The following ST6GALNAC3 variants were observed in gnomAD, a reference collection of about 807,000 sequenced individuals.
The protein encoded by ST6GALNAC3 is alpha-N-acetylgalactosaminide alpha-2,6-sialyltransferase 3.
A neutral mutation model predicts 32.7 loss-of-function variants in ST6GALNAC3; 25 were observed. That is an observed-to-expected ratio of 0.76 (90% CI 0.56 to 1.07). The LOEUF (loss-of-function observed/expected upper bound fraction) is 1.07, where lower values mean the gene tolerates loss of function less well. Among genes scored for constraint, ST6GALNAC3 ranks in the 50% least tolerant of loss-of-function variants. ST6GALNAC3 has a pLI of 0.00. For synonymous variants in ST6GALNAC3, 129 were observed against 133.1 expected (o/e 0.97, Z 0.21); for missense variants, 355 against 382.4 (o/e 0.93, Z 0.60).
intron 1 of ST6GALNAC3, among the ~76,000 whole-genome samples, chr1:76,240,401 T>C (rs1271437518): frequency 6.6e-6 from 1 of 152,220 alleles, no homozygotes; most frequent in African/African-American, 2.4e-5. Context: ...GAACACAAAC[T>C]GCTAACTGTC....
intron 3 of ST6GALNAC3, among the ~76,000 whole-genome samples, chr1:76,623,910 T>A (rs914212896): frequency 9.9e-5 from 15 of 151,928 alleles, no homozygotes; most frequent in African/African-American, 3.6e-4. Flanking sequence ...TAGGCATTTA[T>A]TTGGAAGAAT....
rs556355253 is a variant in ST6GALNAC3 at position 76,634,136 on chromosome 1, C to T, written c.*5330C>T. 4.0e-5 allele frequency: 39 copies of T among 984,550 alleles called. No individual in the cohort carries two copies. The South Asian group carries it at 1.7e-3, about 44-fold the overall frequency. The allele number at this position is 984,550 out of a possible 1,614,324, so 61.0% of individuals were successfully genotyped here. A position where few individuals can be genotyped will look rare whatever the true frequency, so the allele number is the denominator to read the frequency against. On this transcript the variant is annotated 3_prime_UTR_variant, in exon 5 of 5. Coordinates refer to ENST00000328299, the MANE Select transcript of ST6GALNAC3 (RefSeq NM_152996.4). ...CTCTTCTTTCTCCACAGATACATCTCTTTTTGTTCACGCCTTGAAGACTTC... is the reference window on the plus strand; with the variant it reads ...CTCTTCTTTCTCCACAGATACATCTTTTTTTGTTCACGCCTTGAAGACTTC...
intron 2 of ST6GALNAC3, among the ~76,000 whole-genome samples, chr1:76,378,609 T>C (rs12037958): frequency 0.29 from 42,990 of 150,716 alleles, 7,318 homozygotes; most frequent in East Asian, 0.6. Flanking sequence ...TTGCAGTGAG[T>C]GGAGATCACA....
chr1:76,384,929 A>G (rs60691804), intron 2 of ST6GALNAC3, among the ~76,000 whole-genome samples: 12,452 of 152,196 alleles, frequency 0.082, 1,310 homozygotes, highest in African/African-American at 0.25. Flanking sequence ...TGAAATAGTG[A>G]ATGAGCTAGT....
intron 3 of ST6GALNAC3, among the ~76,000 whole-genome samples, chr1:76,450,681 T>C (rs1482355658): frequency 6.6e-6 from 1 of 152,196 alleles, no homozygotes; most frequent in East Asian, 1.9e-4. Flanking sequence ...ATTTTTATGG[T>C]TTCAGGTCTT....
At chr1:76,252,762 G>A (rs1182036522) in intron 1 of ST6GALNAC3, among the ~76,000 whole-genome samples, 1 of 152,104 alleles carries the variant, frequency 6.6e-6, no homozygotes, top group African/African-American at 2.4e-5. Flanking sequence ...TCTCTTTTCT[G>A]TAATATTAAG....
At chr1:76,316,462 G>T (rs1224304418) in intron 2 of ST6GALNAC3, among the ~76,000 whole-genome samples, 1 of 152,054 alleles carries the variant, frequency 6.6e-6, no homozygotes, top group African/African-American at 2.4e-5. Context: ...TGAAGAAACT[G>T]CAAGTATATG....
chr1:76,210,245 C>T (rs1270899183), intron 1 of ST6GALNAC3, among the ~76,000 whole-genome samples: 1 of 152,170 alleles, frequency 6.6e-6, no homozygotes, highest in Non-Finnish European at 1.5e-5. Context: ...AAGTCAACAA[C>T]ATAGTGTCTT....
chr1:76,375,800 T>A (rs575712841), intron 2 of ST6GALNAC3, among the ~76,000 whole-genome samples: 5 of 152,376 alleles, frequency 3.3e-5, no homozygotes, highest in African/African-American at 9.6e-5. Flanking sequence ...ATTCATAAAA[T>A]GGAATACTAT....
chr1:76,457,156 G>A (rs1278167278), intron 3 of ST6GALNAC3, among the ~76,000 whole-genome samples: 4 of 151,992 alleles, frequency 2.6e-5, no homozygotes, highest in Admixed American at 2.0e-4. Flanking sequence ...GGGATGTGAA[G>A]GACCTCTTCA....
At chr1:76,538,393 A>G (rs1663760012) in intron 3 of ST6GALNAC3, among the ~76,000 whole-genome samples, 1 of 152,232 alleles carries the variant, frequency 6.6e-6, no homozygotes, top group East Asian at 1.9e-4. Flanking sequence ...GCTATTCATG[A>G]CAAACCCACA....
chr1:76,112,611 A>G (rs1242329825), intron 1 of ST6GALNAC3, among the ~76,000 whole-genome samples: 2 of 149,130 alleles, frequency 1.3e-5, no homozygotes, highest in African/African-American at 5.0e-5. Context: ...GGGGCTCCTC[A>G]CTTCTCAGAC....
At chr1:76,331,856 C>T (rs1647192580) in intron 2 of ST6GALNAC3, among the ~76,000 whole-genome samples, 1 of 152,160 alleles carries the variant, frequency 6.6e-6, no homozygotes, top group African/African-American at 2.4e-5. Context: ...ACCCTACTTG[C>T]CAGTGTATTG....
intron 3 of ST6GALNAC3, among the ~76,000 whole-genome samples, chr1:76,516,930 A>G (rs1662206991): frequency 6.6e-6 from 1 of 152,066 alleles, no homozygotes; most frequent in South Asian, 2.1e-4. Context: ...CTTTTTCCAC[A>G]TGGAAATTAA....
chr1:76,524,978 G>GAGAA (rs1214996741), intron 3 of ST6GALNAC3, among the ~76,000 whole-genome samples: 1 of 151,868 alleles, frequency 6.6e-6, no homozygotes, highest in Admixed American at 6.6e-5. Flanking sequence ...GGAAATTGAA[G>GAGAA]AGAAATATTA....
intron 3 of ST6GALNAC3, among the ~76,000 whole-genome samples, chr1:76,478,810 T>G (rs1259177537): frequency 7.1e-6 from 1 of 141,132 alleles, no homozygotes; most frequent in Non-Finnish European, 1.5e-5. Context: ...TCTCCCAGGC[T>G]GGAGTGCAGT....
At chr1:76,471,030 G>A (rs978243279) in intron 3 of ST6GALNAC3, among the ~76,000 whole-genome samples, 4 of 151,938 alleles carry the variant, frequency 2.6e-5, no homozygotes, top group African/African-American at 4.8e-5. Flanking sequence ...TTTTTCTTAC[G>A]TCATATTTCT....
At chr1:76,273,302 G>A (rs1658954708) in intron 1 of ST6GALNAC3, among the ~76,000 whole-genome samples, 1 of 150,406 alleles carries the variant, frequency 6.6e-6, no homozygotes, top group Non-Finnish European at 1.5e-5. Context: ...AACTTTAAAA[G>A]CAATGAAAAA....
At chr1:76,427,549 A>T (rs1431952311) in intron 3 of ST6GALNAC3, among the ~76,000 whole-genome samples, 1 of 152,080 alleles carries the variant, frequency 6.6e-6, no homozygotes, top group Non-Finnish European at 1.5e-5. Context: ...TCCAAACTAT[A>T]TGAGTACATA....
Sources: allele counts gnomAD v4.1 joint callset (sites outside exome capture counted in the v4.1 genomes callset), GRCh38; gene constraint gnomAD v4.1.1; transcripts MANE v1.5; gene names NCBI Gene and HGNC (gene_info 2026-07-23, HGNC 2026-07-21).